The following CTNNA3 variants were observed in gnomAD, a reference collection of about 807,000 sequenced individuals.
CTNNA3 encodes the protein catenin alpha 3.
Under a neutral mutation model 95.7 loss-of-function variants are expected in CTNNA3, and 76 were observed. The ratio of observed to expected loss-of-function variants is 0.79; its 90% CI spans 0.66 to 0.96. The LOEUF is 0.96. CTNNA3 is among the 40% of genes least tolerant of loss of function. CTNNA3 has a pLI of 0.00. For missense variants in CTNNA3, 1,191 were observed against 1,089.8 expected (o/e 1.09, Z -1.31); for synonymous variants, 431 against 374.4 (o/e 1.15, Z -1.74).
chr10:67,071,676 G>T (rs1856472617), intron 7 of CTNNA3, among the ~76,000 whole-genome samples: 1 of 151,840 alleles, frequency 6.6e-6, no homozygotes, highest in Non-Finnish European at 1.5e-5. Context: ...AAAATTCTTG[G>T]CCTTAACTCC....
intron 10 of CTNNA3, among the ~76,000 whole-genome samples, chr10:66,574,308 T>C (rs965971621): frequency 2.0e-5 from 3 of 152,012 alleles, no homozygotes; most frequent in Admixed American, 1.3e-4. Flanking sequence ...TAATAATTAC[T>C]ACCATGTTTT....
chr10:65,984,412 A>G (rs888411268), intron 16 of CTNNA3, among the ~76,000 whole-genome samples: 2 of 151,392 alleles, frequency 1.3e-5, no homozygotes, highest in Non-Finnish European at 3.0e-5. Flanking sequence ...ACTTAGAACT[A>G]TATTTCTTCA....
chr10:67,503,173 A>G (rs2133108005), intron 5 of CTNNA3, among the ~76,000 whole-genome samples: 1 of 152,296 alleles, frequency 6.6e-6, no homozygotes, highest in African/African-American at 2.4e-5. Flanking sequence ...GCCGGAATGC[A>G]CCGTTCCTCA....
intron 7 of CTNNA3, among the ~76,000 whole-genome samples, chr10:66,994,994 T>C (rs1320387582): frequency 1.3e-5 from 2 of 152,168 alleles, no homozygotes; most frequent in African/African-American, 4.8e-5. Context: ...ACTTCTGTCC[T>C]GGTATTTCCC....
chr10:66,932,253 G>A (rs1472956266), intron 7 of CTNNA3, among the ~76,000 whole-genome samples: 2 of 152,148 alleles, frequency 1.3e-5, no homozygotes, highest in Non-Finnish European at 2.9e-5. Context: ...TCATGGATTT[G>A]GCAAGAGGTT....
intron 2 of CTNNA3, among the ~76,000 whole-genome samples, chr10:67,628,023 T>C (rs1839014599): frequency 6.8e-6 from 1 of 147,468 alleles, no homozygotes; most frequent in South Asian, 2.1e-4. Context: ...TAAAACTAAA[T>C]GGGTATAGAA....
chr10:66,057,401 A>G (rs1417845428), intron 15 of CTNNA3, among the ~76,000 whole-genome samples: 1 of 152,200 alleles, frequency 6.6e-6, no homozygotes, highest in African/African-American at 2.4e-5. Context: ...TGAAATTGAG[A>G]TTTCAGGTAA....
intron 5 of CTNNA3, among the ~76,000 whole-genome samples, chr10:67,342,425 T>A (rs573185072): frequency 6.6e-6 from 1 of 152,214 alleles, no homozygotes; most frequent in South Asian, 2.1e-4. Flanking sequence ...TTTAGCTGAG[T>A]GAATGATTTG....
At chr10:67,202,338 C>T (rs995468626) in intron 6 of CTNNA3, among the ~76,000 whole-genome samples, 9 of 152,064 alleles carry the variant, frequency 5.9e-5, no homozygotes, top group South Asian at 2.1e-4. Flanking sequence ...AAGCCATAAG[C>T]GCTCACTCTA....
At chr10:66,803,513 AT>A (rs1387615955) in intron 7 of CTNNA3, among the ~76,000 whole-genome samples, 2 of 152,032 alleles carry the variant, frequency 1.3e-5, no homozygotes, top group African/African-American at 4.8e-5. Context: ...TTGAGAGTTT[AT>A]TTGCATGTCT....
chr10:67,037,691 A>T (rs1854149361), intron 7 of CTNNA3, among the ~76,000 whole-genome samples: 1 of 152,194 alleles, frequency 6.6e-6, no homozygotes. Flanking sequence ...TTTAGAATGG[A>T]GTATTGACAG....
chr10:67,747,193 T>C lies in CTNNA3; in HGVS notation c.-2+16241A>G, dbSNP rs565457277. Among the ~76,000 whole-genome samples, 59 of 152,328 alleles carry C rather than the reference T, an allele frequency of 3.9e-4. 1 individual carries two copies. In the South Asian group the frequency reaches 0.012, roughly 32 times the overall value. On this transcript the variant is annotated intron_variant, in intron 1 of 17. Coordinates refer to the CTNNA3 transcript ENST00000684154. ...TCTCCATGGACCAGCAGACTTAGTC[T>C]TTCCTTCCGCTAGCTCTGAGGAATA...
chr10:66,248,746 G>A (rs72799115), intron 13 of CTNNA3, among the ~76,000 whole-genome samples: 33,171 of 152,006 alleles, frequency 0.22, 3,699 homozygotes, highest in Admixed American at 0.27. Context: ...GATATAAATT[G>A]CAAATATTCT....
chr10:65,929,731 G>A lies in CTNNA3; in HGVS notation c.2401-9114C>T, dbSNP rs182332448. On this transcript the variant is annotated intron_variant, in intron 17 of 17. Transcript: ENST00000433211. ...CTACAGGCACCCGCCACCACGCCCTGCTAATTTTTGTATTTTTAGTACAGA... is the reference window on the plus strand; with the variant it reads ...CTACAGGCACCCGCCACCACGCCCTACTAATTTTTGTATTTTTAGTACAGA... Among the ~76,000 whole-genome samples the A allele has an allele frequency of 6.7e-3, 1,011 of 151,968 alleles. 14 individuals carry two copies. The highest frequency in any genetic ancestry group is 0.022 in the African/African-American group (910 of 41,492).
chr10:66,274,775 A>G (rs191045492), intron 13 of CTNNA3, among the ~76,000 whole-genome samples: 105 of 152,258 alleles, frequency 6.9e-4, no homozygotes, highest in African/African-American at 2.4e-3. Flanking sequence ...TTCATAAAAG[A>G]GTCTGCTGAG....
intron 10 of CTNNA3, among the ~76,000 whole-genome samples, chr10:66,544,201 T>C (rs981949625): frequency 2.6e-5 from 4 of 152,002 alleles, no homozygotes; most frequent in African/African-American, 4.8e-5. Context: ...GGATGGCCAA[T>C]TTCCCAGTAA....
chr10:66,318,276 A>ATATATATATGTGTG lies in CTNNA3; in HGVS notation c.1733-37656_1733-37655insCACACATATATATA, dbSNP rs33943741. Among the ~76,000 whole-genome samples the ATATATATATGTGTG allele has an allele frequency of 1.6e-3, 222 of 136,640 alleles. 3 individuals carry two copies. The highest frequency in any genetic ancestry group is 8.2e-4 in the Non-Finnish European group (52 of 63,366). The allele number at this position is 136,640 out of a possible 152,430, so 89.6% of individuals were successfully genotyped here. A position where few individuals can be genotyped will look rare whatever the true frequency, so the allele number is the denominator to read the frequency against. Reference sequence around the variant, plus strand: ...GTTGCTGGGAGATATATATATATATATGTGTGTGTGTGTGTGTGTGTGTGT... The same window carrying ATATATATATGTGTG: ...GTTGCTGGGAGATATATATATATATATATATATATGTGTGTGTGTGTGTGTGTGTGTGTGTGTGT... On this transcript the variant is annotated intron_variant, in intron 12 of 17. Transcript: ENST00000433211.
chr10:66,334,861 G>C (rs532395713), intron 12 of CTNNA3, among the ~76,000 whole-genome samples: 4 of 152,114 alleles, frequency 2.6e-5, no homozygotes, highest in African/African-American at 9.6e-5. Flanking sequence ...ATCACTTTCA[G>C]GTACACCAAT....
At chr10:67,005,766 A>C (rs1251608969) in intron 7 of CTNNA3, among the ~76,000 whole-genome samples, 1 of 126,988 alleles carries the variant, frequency 7.9e-6, no homozygotes, top group East Asian at 2.6e-4. Context: ...ACTCACTGCA[A>C]CCTCCGCCTC....
Sources: gnomAD v4.1 joint callset for allele counts (sites outside exome capture counted in the v4.1 genomes callset) on GRCh38, gnomAD v4.1.1 for gene constraint, MANE v1.5 for transcripts, NCBI Gene and HGNC (gene_info 2026-07-23, HGNC 2026-07-21) for gene names.